Variants in PTPRG observed in about 807,000 individuals in gnomAD.
The protein encoded by PTPRG is receptor-type tyrosine-protein phosphatase gamma.
A neutral mutation model predicts 165.3 loss-of-function variants in PTPRG; 102 were observed. The observed-to-expected ratio is 0.62, with a 90% CI of 0.53 to 0.73. The LOEUF (loss-of-function observed/expected upper bound fraction) is 0.73, where lower values mean the gene tolerates loss of function less well. Among genes scored for constraint, PTPRG ranks in the 30% least tolerant of loss-of-function variants. The pLI, the probability that PTPRG is intolerant of heterozygous loss-of-function variation, is 0.00. For missense variants in PTPRG, 1,866 were observed against 1,861.4 expected (o/e 1.00, Z -0.05); for synonymous variants, 675 against 669.5 (o/e 1.01, Z -0.13).
intron 4 of PTPRG, among the ~76,000 whole-genome samples, chr3:62,010,389 T>TGTGG (rs1488904084): frequency 2.0e-5 from 3 of 152,016 alleles, no homozygotes; most frequent in African/African-American, 7.3e-5. Flanking sequence ...TGTGTGTGTG[T>TGTGG]GTGTGTGTAT....
chr3:61,766,515 A>G (rs2034019730), intron 2 of PTPRG, among the ~76,000 whole-genome samples: 1 of 152,182 alleles, frequency 6.6e-6, no homozygotes, highest in Admixed American at 6.5e-5. Flanking sequence ...TTAAAGGAGT[A>G]GATCTGGAAT....
chr3:61,974,168 C>G (rs912890863), intron 2 of PTPRG, among the ~76,000 whole-genome samples: 8 of 152,004 alleles, frequency 5.3e-5, no homozygotes, highest in Non-Finnish European at 4.4e-5. Context: ...CTTTTGATAC[C>G]TTAAATAGGG....
intron 2 of PTPRG, among the ~76,000 whole-genome samples, chr3:61,881,179 G>C (rs554458660): frequency 2.0e-5 from 3 of 152,128 alleles, no homozygotes; most frequent in East Asian, 3.9e-4. Context: ...CAAGGGGCTT[G>C]CTCTCTAAAA....
At chr3:61,761,616 T>C (rs909543198) in intron 2 of PTPRG, among the ~76,000 whole-genome samples, 5 of 148,758 alleles carry the variant, frequency 3.4e-5, no homozygotes, top group East Asian at 4.1e-4. Flanking sequence ...CAAACCGTCA[T>C]CCTGACTGGC....
chr3:62,051,636 A>T (rs570595107), intron 4 of PTPRG, among the ~76,000 whole-genome samples: 1 of 152,332 alleles, frequency 6.6e-6, no homozygotes, highest in African/African-American at 2.4e-5. Context: ...ACCCAGGTGA[A>T]TTCTGATACG....
chr3:61,959,545 G>A (rs2040104811), intron 2 of PTPRG, among the ~76,000 whole-genome samples: 1 of 152,184 alleles, frequency 6.6e-6, no homozygotes, highest in Non-Finnish European at 1.5e-5. Context: ...AGGCAGTAAT[G>A]CTGAATCCTG....
chr3:62,020,781 A>ACAG (rs1482876813), intron 4 of PTPRG, among the ~76,000 whole-genome samples: 1 of 151,220 alleles, frequency 6.6e-6, no homozygotes, highest in African/African-American at 2.4e-5. Context: ...GTGGCACATC[A>ACAG]CAGCTCACTG....
intron 1 of PTPRG, among the ~76,000 whole-genome samples, chr3:61,605,570 T>A (rs35151811): frequency 0.048 from 4,201 of 87,670 alleles, 195 homozygotes; most frequent in African/African-American, 0.11. Flanking sequence ...TTTTTATTTT[T>A]TTGTTTTTTT....
chr3:61,960,849 C>G (rs112015168), intron 2 of PTPRG, among the ~76,000 whole-genome samples: 1 of 152,042 alleles, frequency 6.6e-6, no homozygotes, highest in Non-Finnish European at 1.5e-5. Context: ...TTTGAATTTC[C>G]TAAAATTAAG....
intron 1 of PTPRG, among the ~76,000 whole-genome samples, chr3:61,694,331 C>T (rs968237616): frequency 2.6e-5 from 4 of 152,168 alleles, no homozygotes; most frequent in African/African-American, 9.7e-5. Context: ...AAGTCCCTTA[C>T]ATAGTTAAAA....
chr3:62,252,899 G>A lies in PTPRG; in HGVS notation c.2468-2225G>A, dbSNP rs1205999162. ...TTTTGTGACATTATTGGTGGTGCCTGGAAACCCAGAGGGTGTGGTTAGGCG... is the reference window on the plus strand; with the variant it reads ...TTTTGTGACATTATTGGTGGTGCCTAGAAACCCAGAGGGTGTGGTTAGGCG... On this transcript the variant is annotated intron_variant, in intron 15 of 29. Coordinates refer to ENST00000474889, the MANE Select transcript of PTPRG (RefSeq NM_002841.4). This position sits in a 1 kb window ranked among gnomAD's most constrained non-coding sequence, Gnocchi z 4.6. Among the ~76,000 whole-genome samples the A allele has an allele frequency of 6.6e-6, 1 of 152,170 alleles. No homozygotes were observed. Among genetic ancestry groups the A allele is most frequent in the Non-Finnish European group, 1.5e-5 (1 of 68,026 alleles).
At chr3:61,726,188 G>T (rs1207757165) in intron 1 of PTPRG, among the ~76,000 whole-genome samples, 1 of 152,190 alleles carries the variant, frequency 6.6e-6, no homozygotes, top group East Asian at 1.9e-4. Flanking sequence ...CTTATCTTCA[G>T]ACTTCAGTCA....
chr3:61,682,849 C>T (rs1319815730), intron 1 of PTPRG, among the ~76,000 whole-genome samples: 1 of 152,126 alleles, frequency 6.6e-6, no homozygotes, highest in Non-Finnish European at 1.5e-5. Context: ...TCCTAAGCAA[C>T]GAAGAAGATT....
At chr3:62,007,048 G>A (rs1213903257) in intron 4 of PTPRG, among the ~76,000 whole-genome samples, 1 of 152,174 alleles carries the variant, frequency 6.6e-6, no homozygotes, top group African/African-American at 2.4e-5. Context: ...CAGCATTGCT[G>A]TTCCTGGTTT....
chr3:61,666,115 A>AATCAT (rs1702806712), intron 1 of PTPRG, among the ~76,000 whole-genome samples: 1 of 152,172 alleles, frequency 6.6e-6, no homozygotes, highest in Admixed American at 6.5e-5. Flanking sequence ...TTGGCCAGAA[A>AATCAT]ATCCTATAAA....
chr3:61,980,517 G>A (rs992382515), intron 2 of PTPRG, among the ~76,000 whole-genome samples: 2 of 152,078 alleles, frequency 1.3e-5, no homozygotes, highest in East Asian at 1.9e-4. Flanking sequence ...GGAATTTAGG[G>A]TTGTTATTTT....
At chr3:61,783,211 G>A (rs2034595896) in intron 2 of PTPRG, among the ~76,000 whole-genome samples, 1 of 152,112 alleles carries the variant, frequency 6.6e-6, no homozygotes, top group South Asian at 2.1e-4. Flanking sequence ...ATGGTAGCAT[G>A]TGCCTATAGT....
chr3:61,993,108 G>A (rs1214562579), intron 3 of PTPRG, among the ~76,000 whole-genome samples: 1 of 151,078 alleles, frequency 6.6e-6, no homozygotes, highest in East Asian at 1.9e-4. Flanking sequence ...TTAGGGTGGG[G>A]TTGATAATTT....
chr3:62,007,542 T>A (rs1255269169), intron 4 of PTPRG, among the ~76,000 whole-genome samples: 1 of 152,246 alleles, frequency 6.6e-6, no homozygotes, highest in Non-Finnish European at 1.5e-5. Flanking sequence ...GCTTTATTCC[T>A]TGCCTAGCAG....
Sources: allele counts gnomAD v4.1 joint callset (sites outside exome capture counted in the v4.1 genomes callset), GRCh38; gene constraint gnomAD v4.1.1; non-coding constraint Gnocchi (gnomAD v3.1); transcripts MANE v1.5; gene names NCBI Gene and HGNC (gene_info 2026-07-23, HGNC 2026-07-21).